Variants in DPP10 observed in about 807,000 individuals in gnomAD.
The protein encoded by DPP10 is dipeptidyl peptidase like 10.
In DPP10, 33 loss-of-function variants were observed where a neutral mutation model predicts 120.9. The ratio of observed to expected loss-of-function variants is 0.27; its 90% CI spans 0.21 to 0.37. The LOEUF (loss-of-function observed/expected upper bound fraction) is 0.37. DPP10 is among the 10% of genes least tolerant of loss of function. DPP10 has a pLI of 1.00. For synonymous variants in DPP10, 337 were observed against 326.1 expected, an observed-to-expected ratio of 1.03 and a Z score of -0.36; for missense variants, 816 against 942.8, an observed-to-expected ratio of 0.87 and a Z score of 1.76.
intron 5 of DPP10, among the ~76,000 whole-genome samples, chr2:115,625,065 T>G (rs2085252856): frequency 6.7e-6 from 1 of 149,770 alleles, no homozygotes; most frequent in African/African-American, 2.5e-5. Context: ...GAATTACCTC[T>G]TTGGATAAAT....
chr2:115,557,580 C>T (rs1238066817), intron 5 of DPP10, among the ~76,000 whole-genome samples: 3 of 152,156 alleles, frequency 2.0e-5, no homozygotes, highest in African/African-American at 7.2e-5. Flanking sequence ...GTCCCTTTCT[C>T]AAGGTATAAT....
intron 1 of DPP10, among the ~76,000 whole-genome samples, chr2:114,741,511 A>G (rs929221566): frequency 2.0e-5 from 3 of 152,170 alleles, no homozygotes; most frequent in African/African-American, 7.2e-5. Flanking sequence ...AGGAACAGGA[A>G]GAGAAAGCAG....
intron 11 of DPP10, among the ~76,000 whole-genome samples, chr2:115,761,277 A>G (rs535189899): frequency 1.3e-5 from 2 of 152,254 alleles, no homozygotes; most frequent in East Asian, 1.9e-4. Flanking sequence ...TTTAAAAATT[A>G]GCCTACATAT....
intron 1 of DPP10, among the ~76,000 whole-genome samples, chr2:114,926,132 A>T (rs1409860814): frequency 6.6e-6 from 1 of 152,162 alleles, no homozygotes; most frequent in Non-Finnish European, 1.5e-5. Context: ...ATAACTTCTC[A>T]GATGTGATGC....
chr2:115,297,339 G>T, intron 1 of DPP10: 1 of 321,696 alleles, frequency 3.1e-6, no homozygotes, highest in Non-Finnish European at 6.5e-6. Context: ...AGACCAGGCT[G>T]CCAAGTTTAC....
intron 1 of DPP10, among the ~76,000 whole-genome samples, chr2:114,696,845 T>G (rs1700097426): frequency 6.6e-6 from 1 of 151,976 alleles, no homozygotes. Flanking sequence ...AAGAATGGGC[T>G]TTAGACGCTG....
At chr2:115,235,785 T>A (rs1030588749) in intron 1 of DPP10, among the ~76,000 whole-genome samples, 1 of 152,166 alleles carries the variant, frequency 6.6e-6, no homozygotes, top group Non-Finnish European at 1.5e-5. Flanking sequence ...GATCTCGAAC[T>A]CCTGGCCTCT....
intron 1 of DPP10, among the ~76,000 whole-genome samples, chr2:114,796,468 T>C (rs1381287479): frequency 2.0e-5 from 3 of 151,836 alleles, no homozygotes; most frequent in African/African-American, 7.3e-5. Flanking sequence ...AATAATATAG[T>C]ATATAATATA....
intron 1 of DPP10, among the ~76,000 whole-genome samples, chr2:115,159,479 T>A: frequency 6.6e-6 from 1 of 152,224 alleles, no homozygotes; most frequent in East Asian, 1.9e-4. Context: ...TTAGAATTTT[T>A]TCTTCAGTAA....
At chr2:115,467,526 G>A (rs909868043) in intron 3 of DPP10, among the ~76,000 whole-genome samples, 3 of 150,510 alleles carry the variant, frequency 2.0e-5, no homozygotes, top group South Asian at 2.1e-4. Context: ...GCAGTGAGCC[G>A]AGATCACACC....
At chr2:115,562,882 T>G (rs1300520486) in intron 5 of DPP10, among the ~76,000 whole-genome samples, 8 of 152,210 alleles carry the variant, frequency 5.3e-5, no homozygotes. Flanking sequence ...TTCAACTCAT[T>G]GGTACTGGGT....
intron 1 of DPP10, among the ~76,000 whole-genome samples, chr2:114,679,527 A>C (rs769565503): frequency 1.3e-5 from 2 of 151,928 alleles, no homozygotes; most frequent in Admixed American, 1.3e-4. Flanking sequence ...CTTTCTAAGA[A>C]AGTAGAAAAA....
chr2:114,864,670 A>G (rs1229246773), intron 1 of DPP10, among the ~76,000 whole-genome samples: 2 of 152,238 alleles, frequency 1.3e-5, no homozygotes, highest in African/African-American at 4.8e-5. Flanking sequence ...AATTTGCTAG[A>G]AAAACAAATA....
rs200401535 is a variant in DPP10 at position 115,472,259 on chromosome 2, A to G, written c.272-27251A>G. Among the ~76,000 whole-genome samples the G allele has an allele frequency of 2.0e-5, 3 of 152,338 alleles. No individual in the cohort carries two copies. The East Asian group carries it at 5.8e-4, about 29-fold the overall frequency. On this transcript the variant is annotated intron_variant, in intron 3 of 25. Transcript: ENST00000410059. ...TGTAGAAAATAATGCAAAGAAAATT[A>G]AGTTACTTACCCAATGTCTCACAGC... is the stretch of plus-strand genomic sequence containing the variant.
chr2:115,279,747 T>C (rs1341200959), intron 1 of DPP10, among the ~76,000 whole-genome samples: 1 of 140,058 alleles, frequency 7.1e-6, no homozygotes, highest in African/African-American at 2.6e-5. Context: ...CTGCAACTTC[T>C]GCCTCCTTGC....
At chr2:115,084,547 G>A (rs1197946489) in intron 1 of DPP10, among the ~76,000 whole-genome samples, 1 of 152,138 alleles carries the variant, frequency 6.6e-6, no homozygotes, top group Non-Finnish European at 1.5e-5. Context: ...TGAATTTCCT[G>A]GGCAAGTGTG....
chr2:115,347,836 T>A (rs2063786228), intron 3 of DPP10, among the ~76,000 whole-genome samples: 1 of 152,198 alleles, frequency 6.6e-6, no homozygotes, highest in South Asian at 2.1e-4. Flanking sequence ...GGCTGCATAG[T>A]ATTCCATGGT....
At chr2:115,192,722 A>G (rs1344300417) in intron 1 of DPP10, among the ~76,000 whole-genome samples, 1 of 152,190 alleles carries the variant, frequency 6.6e-6, no homozygotes, top group Non-Finnish European at 1.5e-5. Flanking sequence ...CAATTTTAAT[A>G]AAACCTTGTA....
chr2:115,255,554 A>G (rs768777347), intron 1 of DPP10, among the ~76,000 whole-genome samples: 7 of 152,072 alleles, frequency 4.6e-5, no homozygotes, highest in Non-Finnish European at 2.9e-5. Flanking sequence ...TTTCTTTTCT[A>G]TCATATTGTC....
Sources: gnomAD v4.1 joint callset for allele counts (sites outside exome capture counted in the v4.1 genomes callset) on GRCh38, gnomAD v4.1.1 for gene constraint, MANE v1.5 for transcripts, NCBI Gene and HGNC (gene_info 2026-07-23, HGNC 2026-07-21) for gene names.